Variants in ZFHX3 observed in about 807,000 individuals in gnomAD.
ZFHX3 encodes the protein zinc finger homeobox protein 3.
In ZFHX3, 42 loss-of-function variants were observed where a neutral mutation model predicts 279.1. The observed-to-expected ratio is 0.15, with a 90% confidence interval of 0.12 to 0.19. ZFHX3 has a LOEUF of 0.19. ZFHX3 is among the 10% of genes least tolerant of loss of function. The pLI is 1.00. For missense variants in ZFHX3, 4,981 were observed against 4,754.0 expected (o/e 1.05, Z -1.40); for synonymous variants, 2,293 against 1,957.8 (o/e 1.17, Z -4.52).
intron 2 of ZFHX3, chr16:73,500,315 T>TTTTG (rs142507295): frequency 2.0e-3 from 301 of 154,224 alleles, no homozygotes; most frequent in African/African-American, 4.1e-3. Flanking sequence ...GTTTTTGTTT[T>TTTTG]TTTGTTTGTT....
chr16:73,766,735 AC>A (rs2053948979), intron 1 of ZFHX3, among the ~76,000 whole-genome samples: 1 of 152,086 alleles, frequency 6.6e-6, no homozygotes, highest in Admixed American at 6.6e-5. Flanking sequence ...AGGACCGCAG[AC>A]CAGAAGTGAC....
intron 4 of ZFHX3, among the ~76,000 whole-genome samples, chr16:72,867,402 C>T (rs912435366): frequency 1.3e-5 from 2 of 152,136 alleles, no homozygotes; most frequent in Admixed American, 6.6e-5. Flanking sequence ...AAGATGAGAA[C>T]GATTTTATAA....
At chr16:72,993,912 C>CA (rs1440567990) in intron 1 of ZFHX3, among the ~76,000 whole-genome samples, 1 of 152,142 alleles carries the variant, frequency 6.6e-6, no homozygotes, top group Admixed American at 6.6e-5. Context: ...GGGTTGAATC[C>CA]AGTTATAAAA....
At chr16:73,521,471 C>T (rs1597368364) in intron 2 of ZFHX3, among the ~76,000 whole-genome samples, 1 of 152,106 alleles carries the variant, frequency 6.6e-6, no homozygotes, top group Non-Finnish European at 1.5e-5. Context: ...CTTGTATAAA[C>T]AGATAAACCC....
At chr16:73,465,503 C>T (rs1177911717) in intron 2 of ZFHX3, among the ~76,000 whole-genome samples, 1 of 151,806 alleles carries the variant, frequency 6.6e-6, no homozygotes, top group Non-Finnish European at 1.5e-5. Context: ...CTGGAACGTC[C>T]TCCTTACCTG....
chr16:73,812,283 C>A (rs114528943), intron 1 of ZFHX3, among the ~76,000 whole-genome samples: 1,846 of 152,296 alleles, frequency 0.012, 28 homozygotes, highest in African/African-American at 0.042. Context: ...GTCCTGGAAA[C>A]ACTCTCACTT....
intron 7 of ZFHX3, among the ~76,000 whole-genome samples, chr16:73,098,311 A>C (rs565282003): frequency 6.6e-6 from 1 of 151,422 alleles, no homozygotes; most frequent in African/African-American, 2.4e-5. Context: ...CTCGTGATCC[A>C]CCCGTCACAG....
At chr16:73,568,512 C>G (rs1316723511) in intron 2 of ZFHX3, among the ~76,000 whole-genome samples, 4 of 152,160 alleles carry the variant, frequency 2.6e-5, no homozygotes, top group Non-Finnish European at 5.9e-5. Flanking sequence ...TTTTGCAGTG[C>G]TACACCCAAA....
intron 4 of ZFHX3, among the ~76,000 whole-genome samples, chr16:72,839,323 A>G (rs1307770855): frequency 6.6e-6 from 1 of 152,100 alleles, no homozygotes; most frequent in Non-Finnish European, 1.5e-5. Flanking sequence ...TTGGACAAAA[A>G]CTACCTTCAA....
intron 3 of ZFHX3, among the ~76,000 whole-genome samples, chr16:73,385,552 G>C (rs61106429): frequency 1.3e-5 from 2 of 152,198 alleles, no homozygotes; most frequent in East Asian, 3.9e-4. Context: ...CTGGGAAAGG[G>C]TTCAGGAATC....
In ZFHX3 at chr16:73,156,488, C is replaced by G. The variant is rs1317634953; in HGVS notation, c.-1103-12657G>C. Among the ~76,000 whole-genome samples the G allele has an allele frequency of 2.0e-5, 3 of 152,162 alleles. No homozygotes were observed. The East Asian group carries it at 5.8e-4, about 29-fold the overall frequency. ...GTCATCATTTCAAGAAGACATCTCC[C>G]AAACAGGTAGGGCTCTCTTAAACTA... On this transcript the variant is annotated intron_variant, in intron 5 of 17. Transcript: ENST00000641206.
In ZFHX3 at chr16:72,787,198, A is replaced by G. The variant is rs1313484533; in HGVS notation, c.11078T>C (p.Leu3693Pro). The stretch of plus-strand genomic sequence containing the variant: ...GAAGGTGTCCGTTCCTACACTGGTC[A>G]GACCACTGTCCTTGGGGCAGCTGGG... ...KDPSCPKDSG[L>P]TSVGTDTFRL The change falls in exon 10 of 10, where the codon CTG becomes CCG. Residue 3693 changes from leucine (L) to proline (P), a missense_variant. This residue lies in a region of ZFHX3 where 1,034 missense variants were observed against 786.0 expected (regional missense o/e 1.32). Transcript: ENST00000268489. The G allele has an allele frequency of 3.7e-6, 6 of 1,613,498 alleles. No homozygotes were observed. Among genetic ancestry groups the G allele is most frequent in the Non-Finnish European group, 5.1e-6 (6 of 1,179,566 alleles).
intron 1 of ZFHX3, among the ~76,000 whole-genome samples, chr16:73,758,864 TG>T (rs1740411133): frequency 6.6e-6 from 1 of 152,242 alleles, no homozygotes. Flanking sequence ...TGTATATCAT[TG>T]GATCTTCACC....
Position 73,730,368 on chromosome 16 carries a change from A to G in ZFHX3, c.-1607-50128T>C, listed in dbSNP as rs1393145499. ...CTCCCCTCGCAAAAAAAAAAAAAAA[A>G]AAAAAAAGAAAAAGAGAGAGAAAGA... On this transcript the variant is annotated intron_variant, in intron 1 of 17. Coordinates refer to the ZFHX3 transcript ENST00000641206. Among the ~76,000 whole-genome samples, 154 of 150,802 alleles carry G rather than the reference A, an allele frequency of 1.0e-3. 4 individuals carry two copies. The highest frequency in any genetic ancestry group is 5.3e-3 in the East Asian group (27 of 5,142).
chr16:73,327,872 T>C, intron 3 of ZFHX3, among the ~76,000 whole-genome samples: 1 of 152,192 alleles, frequency 6.6e-6, no homozygotes. Context: ...TTGATGGTCT[T>C]GCTGGCCTGG....
chr16:72,932,347 G>A (rs1388894913), intron 3 of ZFHX3, among the ~76,000 whole-genome samples: 1 of 152,148 alleles, frequency 6.6e-6, no homozygotes, highest in African/African-American at 2.4e-5. Context: ...CAGGGAAGGG[G>A]TGGAGCAAGC....
chr16:72,912,485 GA>G (rs2039343514), intron 3 of ZFHX3, among the ~76,000 whole-genome samples: 1 of 152,166 alleles, frequency 6.6e-6, no homozygotes, highest in Non-Finnish European at 1.5e-5. Context: ...AACTTATTTG[GA>G]AAATTGTTGC....
At chr16:73,772,254 T>C (rs886895648) in intron 1 of ZFHX3, among the ~76,000 whole-genome samples, 3 of 152,198 alleles carry the variant, frequency 2.0e-5, no homozygotes, top group South Asian at 2.1e-4. Flanking sequence ...AAGAGGTTTA[T>C]TGGACTCACA....
chr16:73,325,928 A>AACACACACACACACACACACAAAC (rs2015678682), intron 3 of ZFHX3, among the ~76,000 whole-genome samples: 16 of 145,572 alleles, frequency 1.1e-4, no homozygotes, highest in African/African-American at 4.0e-4. Flanking sequence ...CACACACACA[A>AACACACACACACACACACACAAAC]ACACACACAC....
Sources: gnomAD v4.1 joint callset for allele counts (sites outside exome capture counted in the v4.1 genomes callset) on GRCh38, gnomAD v4.1.1 for gene constraint, gnomAD v4.1.1 regional missense constraint, MANE v1.5 for transcripts, NCBI Gene and HGNC (gene_info 2026-07-23, HGNC 2026-07-21) for gene names.